KDM4C: variants seen among roughly 807,000 people sequenced by gnomAD.
The protein encoded by KDM4C is lysine-specific demethylase 4C.
Under a neutral mutation model 129.3 loss-of-function variants are expected in KDM4C, and 81 were observed. The observed-to-expected ratio is 0.63, with a 90% CI of 0.52 to 0.75. The LOEUF is 0.75. Among genes scored for constraint, KDM4C ranks in the 30% least tolerant of loss-of-function variants. The pLI, the probability that KDM4C is intolerant of heterozygous loss-of-function variation, is 0.00. For missense variants in KDM4C, 1,457 were observed against 1,304.0 expected (o/e 1.12, Z -1.81); for synonymous variants, 573 against 456.1 (o/e 1.26, Z -3.26).
At chr9:6,865,872 T>G (rs1206616735) in intron 5 of KDM4C, among the ~76,000 whole-genome samples, 1 of 152,116 alleles carries the variant, frequency 6.6e-6, no homozygotes, top group Non-Finnish European at 1.5e-5. Flanking sequence ...TGCCTCAGCC[T>G]CCCGAGTAGC....
intron 1 of KDM4C, among the ~76,000 whole-genome samples, chr9:6,778,815 CTTTTT>C (rs34355554): frequency 2.1e-5 from 3 of 141,364 alleles, no homozygotes; most frequent in Non-Finnish European, 3.0e-5. Context: ...GATTTGGTGC[CTTTTT>C]TTTTTTTTTT....
chr9:6,940,679 C>T (rs1344735806), intron 8 of KDM4C, among the ~76,000 whole-genome samples: 1 of 152,150 alleles, frequency 6.6e-6, no homozygotes, highest in Non-Finnish European at 1.5e-5. Context: ...ATTTTTGTTA[C>T]ATTTCACTAG....
At chr9:6,880,881 C>A (rs375671987) in intron 6 of KDM4C, among the ~76,000 whole-genome samples, 1 of 152,134 alleles carries the variant, frequency 6.6e-6, no homozygotes, top group South Asian at 2.1e-4. Flanking sequence ...CCATCCTTAT[C>A]TTCTGTTTTG....
At chr9:6,765,268 A>G (rs570903805) in intron 1 of KDM4C, among the ~76,000 whole-genome samples, 6 of 152,230 alleles carry the variant, frequency 3.9e-5, no homozygotes, top group Non-Finnish European at 5.9e-5. Context: ...TTCAAACTGT[A>G]TACAACCTTC....
At chr9:6,874,410 G>A (rs1383112842) in intron 5 of KDM4C, among the ~76,000 whole-genome samples, 1 of 152,128 alleles carries the variant, frequency 6.6e-6, no homozygotes, top group Non-Finnish European at 1.5e-5. Flanking sequence ...CCTATCATTT[G>A]CTCTCATTCA....
intron 5 of KDM4C, among the ~76,000 whole-genome samples, chr9:6,863,953 A>G (rs1402113649): frequency 6.6e-6 from 1 of 152,166 alleles, no homozygotes; most frequent in Non-Finnish European, 1.5e-5. Context: ...AACACCTCCC[A>G]TTAGGCCCCA....
chr9:7,170,059 A>G, intron 21 of KDM4C, 169 bp downstream of exon 21: 3 of 1,508,300 alleles, frequency 2.0e-6, no homozygotes, highest in Non-Finnish European at 2.7e-6. Context: ...TTCAAATTCA[A>G]CCAAAATCGG....
rs185578942 is a variant in KDM4C at position 6,936,388 on chromosome 9, A to T, written c.921+43156A>T. Among the ~76,000 whole-genome samples, 150 of 151,070 alleles carry T rather than the reference A, an allele frequency of 9.9e-4. 1 individual carries two copies. The highest frequency in any genetic ancestry group is 3.7e-3 in the African/African-American group (148 of 40,404). Reference sequence around the variant, plus strand: ...ATACAAACAGTATTACTTTACATATATTTGATTTGCTAAAAAAAGAATGCA... The same window carrying T: ...ATACAAACAGTATTACTTTACATATTTTTGATTTGCTAAAAAAAGAATGCA... On this transcript the variant is annotated intron_variant, in intron 8 of 21. Coordinates refer to ENST00000381309, the MANE Select transcript of KDM4C (RefSeq NM_015061.6).
chr9:6,877,492 A>G (rs1325667271), intron 5 of KDM4C, among the ~76,000 whole-genome samples: 2 of 152,108 alleles, frequency 1.3e-5, no homozygotes, highest in African/African-American at 2.4e-5. Context: ...GAGCCACCAC[A>G]CCTGGCCTAA....
intron 8 of KDM4C, among the ~76,000 whole-genome samples, chr9:6,970,148 T>G (rs918155322): frequency 6.6e-6 from 1 of 152,218 alleles, no homozygotes; most frequent in African/African-American, 2.4e-5. Flanking sequence ...AGAGAAATCT[T>G]AGGAACAAAT....
chr9:6,776,675 G>A (rs985285340), intron 1 of KDM4C, among the ~76,000 whole-genome samples: 3 of 138,320 alleles, frequency 2.2e-5, no homozygotes, highest in Middle Eastern at 3.9e-3. Flanking sequence ...CGCTATCTCA[G>A]CTCACTGCAA....
chr9:6,893,496 T>C (rs1356520334), intron 8 of KDM4C: 2 of 252,140 alleles, frequency 7.9e-6, no homozygotes, highest in African/African-American at 4.5e-5. Flanking sequence ...GCTTTTTATC[T>C]TGAGGCCTCC....
At chr9:6,798,640 T>C (rs555819440) in intron 2 of KDM4C, among the ~76,000 whole-genome samples, 1 of 152,362 alleles carries the variant, frequency 6.6e-6, no homozygotes, top group East Asian at 1.9e-4. Flanking sequence ...TGTCTACTTC[T>C]TTCCACACAG....
chr9:6,900,971 C>T lies in KDM4C; in HGVS notation c.921+7739C>T, dbSNP rs67997634. On this transcript the variant is annotated intron_variant, in intron 8 of 21. Coordinates refer to ENST00000381309, the MANE Select transcript of KDM4C (RefSeq NM_015061.6). Reference sequence around the variant, plus strand: ...GTAGCACTTTTGAAGCTTTAGGATTCTTTTTTTTTTTAATGCCTTAGTTTG... The same window carrying T: ...GTAGCACTTTTGAAGCTTTAGGATTTTTTTTTTTTTTAATGCCTTAGTTTG... Among the ~76,000 whole-genome samples, 110 of 76,944 alleles carry T rather than the reference C, an allele frequency of 1.4e-3. 1 individual carries two copies. The highest frequency in any genetic ancestry group is 2.8e-3 in the Non-Finnish European group (63 of 22,726). The allele number at this position is 76,944 out of a possible 152,430, so 50.5% of individuals were successfully genotyped here.
rs943680681 is a variant in KDM4C, at chr9:6,925,317, C to A, written c.921+32085C>A. On this transcript the variant is annotated intron_variant, in intron 8 of 21. Coordinates refer to ENST00000381309, the MANE Select transcript of KDM4C (RefSeq NM_015061.6). The stretch of plus-strand genomic sequence containing the variant: ...TAATGGAGGTCAAATAAAGGAGACA[C>A]AAGCTTTCATCAGTTGGGCGTCTTC... 3 of 985,356 alleles carry A rather than the reference C, an allele frequency of 3.0e-6. No homozygotes were observed. The East Asian group carries it at 3.4e-4, about 112-fold the overall frequency. The allele number at this position is 985,356 out of a possible 1,614,324, so 61.0% of individuals were successfully genotyped here.
intron 19 of KDM4C, among the ~76,000 whole-genome samples, chr9:7,160,421 G>C (rs1218241569): frequency 6.6e-6 from 1 of 152,152 alleles, no homozygotes; most frequent in Non-Finnish European, 1.5e-5. Context: ...CTGATTTTTA[G>C]AATTTTCAGC....
intron 17 of KDM4C, among the ~76,000 whole-genome samples, chr9:7,082,818 A>G (rs1202818593): frequency 1.3e-5 from 2 of 152,220 alleles, no homozygotes; most frequent in East Asian, 3.8e-4. Flanking sequence ...AAAGGGACTT[A>G]TGCCTTTTGT....
At chr9:6,833,575 T>C (rs1835306813) in intron 4 of KDM4C, among the ~76,000 whole-genome samples, 1 of 152,220 alleles carries the variant, frequency 6.6e-6, no homozygotes, top group South Asian at 2.1e-4. Context: ...AAGTTATCTG[T>C]CTTTGCTGCA....
chr9:6,843,129 A>G (rs1204687775), intron 4 of KDM4C, among the ~76,000 whole-genome samples: 1 of 152,128 alleles, frequency 6.6e-6, no homozygotes, highest in East Asian at 1.9e-4. Context: ...GGGTTTCACC[A>G]TATTGGCCAG....
Sources: allele counts gnomAD v4.1 joint callset (sites outside exome capture counted in the v4.1 genomes callset), GRCh38; gene constraint gnomAD v4.1.1; transcripts MANE v1.5; gene names NCBI Gene and HGNC (gene_info 2026-07-23, HGNC 2026-07-21).